Variants in LARS2 observed in about 807,000 individuals in gnomAD.
LARS2 encodes leucine--tRNA ligase, mitochondrial.
In LARS2, 81 loss-of-function variants were observed where a neutral mutation model predicts 116.6. The ratio of observed to expected loss-of-function variants is 0.69; its 90% CI spans 0.58 to 0.84. The LOEUF (loss-of-function observed/expected upper bound fraction) is 0.84. LARS2 is among the 40% of genes least tolerant of loss of function. The pLI, the probability that LARS2 is intolerant of heterozygous loss-of-function variation, is 0.00. For missense variants in LARS2, 968 were observed against 1,114.5 expected (o/e 0.87, Z 1.87); for synonymous variants, 396 against 407.2 (o/e 0.97, Z 0.33).
chr3:45,498,474 GA>G (rs562383891), intron 14 of LARS2, among the ~76,000 whole-genome samples: 5,236 of 152,106 alleles, frequency 0.034, 99 homozygotes, highest in Middle Eastern at 0.068. Context: ...TTTTCACGAA[GA>G]AAAAAAGTGT....
At chr3:45,417,109 A>AT (rs904239396) in intron 4 of LARS2, among the ~76,000 whole-genome samples, 12 of 151,258 alleles carry the variant, frequency 7.9e-5, no homozygotes, top group African/African-American at 2.9e-4. Context: ...CTGACATGAC[A>AT]TGAGCATTTG....
At chr3:45,425,773 G>T (rs974385964) in intron 6 of LARS2, among the ~76,000 whole-genome samples, 3 of 152,118 alleles carry the variant, frequency 2.0e-5, no homozygotes, top group Admixed American at 6.5e-5. Flanking sequence ...GAAGTCTCTT[G>T]TCTGTCTTGC....
intron 18 of LARS2, among the ~76,000 whole-genome samples, chr3:45,519,202 G>T (rs1402769404): frequency 1.3e-5 from 2 of 152,112 alleles, no homozygotes; most frequent in Non-Finnish European, 2.9e-5. Flanking sequence ...ATTTCAAAAT[G>T]TAAAATTGAC....
At chr3:45,487,003 T>C (rs1255243570) in intron 11 of LARS2, among the ~76,000 whole-genome samples, 2 of 152,226 alleles carry the variant, frequency 1.3e-5, no homozygotes, top group Non-Finnish European at 1.5e-5. Context: ...TTTTGCTTTT[T>C]GCCCTCCAAG....
chr3:45,533,387 T>G (rs980692600), intron 20 of LARS2, among the ~76,000 whole-genome samples: 1 of 151,984 alleles, frequency 6.6e-6, no homozygotes. Flanking sequence ...GACTTCGTGA[T>G]CCGCCCGCCT....
chr3:45,411,580 A>G (rs1221390360), intron 4 of LARS2, among the ~76,000 whole-genome samples: 2 of 151,776 alleles, frequency 1.3e-5, no homozygotes, highest in African/African-American at 4.8e-5. Flanking sequence ...AACTCCCACA[A>G]TGCACACTTA....
chr3:45,509,811 G>C (rs972672560), intron 15 of LARS2, among the ~76,000 whole-genome samples: 5 of 151,890 alleles, frequency 3.3e-5, no homozygotes, highest in African/African-American at 9.7e-5. Flanking sequence ...TCCCCACTGG[G>C]AAATTCCATG....
At chr3:45,412,702 CTG>C (rs1201993445) in intron 4 of LARS2, among the ~76,000 whole-genome samples, 3 of 152,206 alleles carry the variant, frequency 2.0e-5, no homozygotes, top group Non-Finnish European at 4.4e-5. Context: ...ATTCCCAAAA[CTG>C]GGAAATGCAG....
chr3:45,425,937 A>G (rs1382633081), intron 6 of LARS2, among the ~76,000 whole-genome samples: 1 of 113,290 alleles, frequency 8.8e-6, no homozygotes, highest in Non-Finnish European at 1.8e-5. Context: ...TTTTTTTAAT[A>G]TTGTGGGTTT....
In LARS2 at chr3:45,518,036, G is replaced by A; in HGVS notation, c.2178G>A (p.Arg726=). ...GTAACAAGGAGAAAGCTGAGGCCAG[G>A]AAGCTCTGGGAGTACAAGAACTCCG... The part of the protein sequence containing the change: ...LLSNKEKAEA[R]KLWEYKNSVI... Residue 726 remains arginine (R), a synonymous_variant, in exon 18 of 22, where the codon AGG becomes AGA. Coordinates refer to ENST00000645846, the MANE Select transcript of LARS2 (RefSeq NM_015340.4). The A allele has an allele frequency of 6.2e-7, 1 of 1,613,768 alleles. No homozygotes were observed. Among genetic ancestry groups the A allele is most frequent in the African/African-American group, 1.3e-5 (1 of 75,014 alleles).
chr3:45,440,438 C>A (rs998913573), intron 6 of LARS2, among the ~76,000 whole-genome samples: 2 of 152,076 alleles, frequency 1.3e-5, no homozygotes, highest in Non-Finnish European at 2.9e-5. Flanking sequence ...GTTTTGAAGG[C>A]AGGAGGCTCA....
intron 10 of LARS2, among the ~76,000 whole-genome samples, chr3:45,479,759 A>G (rs1041576429): frequency 6.6e-6 from 1 of 152,218 alleles, no homozygotes; most frequent in Non-Finnish European, 1.5e-5. Context: ...TCAATGGGGA[A>G]ATATGATCAG....
intron 20 of LARS2, among the ~76,000 whole-genome samples, chr3:45,528,300 G>C (rs1024873543): frequency 3.3e-5 from 5 of 152,174 alleles, no homozygotes; most frequent in African/African-American, 1.2e-4. Context: ...TCATGCCACT[G>C]TACTCCAGCC....
At chr3:45,522,747 A>G (rs1163658774) in intron 19 of LARS2, among the ~76,000 whole-genome samples, 1 of 152,160 alleles carries the variant, frequency 6.6e-6, no homozygotes, top group African/African-American at 2.4e-5. Flanking sequence ...CTCAAAAAAA[A>G]AAGATACAAA....
intron 4 of LARS2, among the ~76,000 whole-genome samples, 160 bp from the exon 5 acceptor site, chr3:45,417,322 C>T (rs886607956): frequency 6.6e-6 from 1 of 152,110 alleles, no homozygotes; most frequent in South Asian, 2.1e-4. Flanking sequence ...TCTATGGTTA[C>T]GTCATAGGTA....
At chr3:45,534,128 G>C (rs1700664358) in intron 20 of LARS2, among the ~76,000 whole-genome samples, 1 of 152,016 alleles carries the variant, frequency 6.6e-6, no homozygotes, top group Non-Finnish European at 1.5e-5. Flanking sequence ...TTTTTTTTCA[G>C]TTCAAAGAAG....
intron 6 of LARS2, among the ~76,000 whole-genome samples, chr3:45,441,801 C>T (rs752688658): frequency 7.2e-5 from 11 of 152,022 alleles, no homozygotes; most frequent in South Asian, 2.1e-4. Context: ...GGTGGCAGGT[C>T]GCAAAAGATG....
At chr3:45,455,102 G>T (rs940360082) in intron 7 of LARS2, among the ~76,000 whole-genome samples, 3 of 149,824 alleles carry the variant, frequency 2.0e-5, no homozygotes, top group African/African-American at 7.3e-5. Flanking sequence ...TCATTAGGGG[G>T]ATAAATTGCC....
chr3:45,545,317 C>CT (rs941097408), intron 21 of LARS2, among the ~76,000 whole-genome samples: 2 of 152,210 alleles, frequency 1.3e-5, no homozygotes, highest in Admixed American at 6.5e-5. Flanking sequence ...GGCCTGGGCC[C>CT]TGTCCGGCAG....
Sources: allele counts gnomAD v4.1 joint callset (sites outside exome capture counted in the v4.1 genomes callset), GRCh38; gene constraint gnomAD v4.1.1; transcripts MANE v1.5; gene names NCBI Gene and HGNC (gene_info 2026-07-23, HGNC 2026-07-21).